The following CIZ1 variants were observed in gnomAD, a reference collection of about 807,000 sequenced individuals.
CIZ1 encodes the protein CDKN1A interacting zinc finger protein 1, also known as cip1-interacting zinc finger protein.
Under a neutral mutation model 118.6 loss-of-function variants are expected in CIZ1, and 58 were observed. The observed-to-expected ratio is 0.49, with a 90% CI of 0.40 to 0.61. The LOEUF is 0.61. Ranked by LOEUF, CIZ1 falls within the 20% of genes least tolerant of loss-of-function variation. CIZ1 has a pLI of 0.00. For synonymous variants in CIZ1, 448 were observed against 443.4 expected (o/e 1.01, Z -0.13); for missense variants, 921 against 1,115.9 (o/e 0.83, Z 2.49).
At position 128,169,523 on chromosome 9, in the gene CIZ1, G is replaced by T. The variant is rs764995298; in HGVS notation, c.2032-4C>A. 6.2e-7 allele frequency: 1 copy of T among 1,613,974 alleles called. No homozygotes were observed. The highest frequency in any genetic ancestry group is 1.3e-5 in the African/African-American group (1 of 75,042). On this transcript the variant is annotated splice_region_variant and splice_polypyrimidine_tract_variant and intron_variant, in intron 12 of 16. Coordinates refer to ENST00000372938, the MANE Select transcript of CIZ1 (RefSeq NM_001131016.2). ...GTCGCAAGGATTGTTTGGCAATCTG[G>T]AAAAAGGCAGGCCAACCAAGCAGTG...
intron 5 of CIZ1, among the ~76,000 whole-genome samples, chr9:128,181,696 G>T (rs143786187): frequency 6.6e-6 from 1 of 151,928 alleles, no homozygotes; most frequent in African/African-American, 2.4e-5. Flanking sequence ...GTTACCAGGC[G>T]GATCATGGTC....
rs776590340 is a variant in CIZ1 at position 128,166,822 on chromosome 9, A to G, written c.2424T>C (p.Tyr808=). The change falls in exon 16 of 17, where the codon TAT becomes TAC. Residue 808 remains tyrosine (Y), a synonymous_variant. Transcript: ENST00000372938. This position sits in a 1 kb window ranked among gnomAD's most constrained non-coding sequence, Gnocchi z 4.4. ...GYICRICHKF[Y]HSNSGAQLSH... is the part of the protein sequence containing the mutation. ...AGAGCTGTGCCCCTGAGTTGCTGTG[A>G]TAGAACTTGTGGCAGATGCGGCAGA... 1 of 1,614,142 alleles carries G rather than the reference A, an allele frequency of 6.2e-7. No homozygotes were observed. The highest frequency in any genetic ancestry group is 8.5e-7 in the Non-Finnish European group (1 of 1,180,022).
intron 11 of CIZ1, among the ~76,000 whole-genome samples, chr9:128,171,867 T>C (rs1830163547): frequency 6.6e-6 from 1 of 151,904 alleles, no homozygotes; most frequent in African/African-American, 2.4e-5. Context: ...AAAAAACTGA[T>C]AGATCCGATT....
chr9:128,195,329 T>G (rs1300096693), upstream of CIZ1, among the ~76,000 whole-genome samples: 2 of 152,104 alleles, frequency 1.3e-5, no homozygotes, highest in African/African-American at 4.8e-5. Flanking sequence ...TTTTGTTTTG[T>G]TTTTTTGAGA....
At chr9:128,196,586 A>G (rs1475467972), upstream of CIZ1, among the ~76,000 whole-genome samples, 1 of 151,734 alleles carries the variant, frequency 6.6e-6, no homozygotes, top group African/African-American at 2.4e-5. Context: ...AAAAGAAAAG[A>G]ATGAGGTGAA....
chr9:128,169,103 C>T lies in CIZ1; in HGVS notation c.2244G>A (p.Glu748=). ...CGATCTCTTCTTCATCCTCATCATC[C>T]TCTTCCTCTTCTTCATCACCCTCGA... The part of the protein sequence containing the change: ...GCFEGDEEEE[E]DDEDEEEIEV... The change falls in exon 14 of 17, where the codon GAG becomes GAA. Residue 748 remains glutamate (E), a synonymous_variant. Coordinates refer to ENST00000372938, the MANE Select transcript of CIZ1 (RefSeq NM_001131016.2). 1 of 1,614,088 alleles carries T rather than the reference C, an allele frequency of 6.2e-7. No homozygotes were observed. The highest frequency in any genetic ancestry group is 8.5e-7 in the Non-Finnish European group (1 of 1,179,934).
chr9:128,200,854 G>A (rs1588287653), intron 1 of CIZ1, among the ~76,000 whole-genome samples: 1 of 38,400 alleles, frequency 2.6e-5, no homozygotes, highest in South Asian at 9.4e-4. Context: ...TAAATAAATA[G>A]GCTGGGCACA....
In CIZ1 at chr9:128,170,117, AAC is replaced by A. The variant is rs59232258; in HGVS notation, c.1944-12_1944-11del. ...CCTTGGTGGAGGCTCCCTGAATGAC[AAC>A]AGTCAAAGCAAGTACAATGTGACGC... On this transcript the variant is annotated splice_polypyrimidine_tract_variant and intron_variant, in intron 11 of 16. Transcript: ENST00000372938. The A allele has an allele frequency of 0.63, 1,011,046 of 1,611,404 alleles. 327,788 individuals are homozygous for A. Among genetic ancestry groups the A allele is most frequent in the Admixed American group, 0.73 (43,487 of 59,690 alleles).
At chr9:128,173,135 CTTTTTTTTTTTT>C (rs957423189) in intron 11 of CIZ1, among the ~76,000 whole-genome samples, 13 of 80,792 alleles carry the variant, frequency 1.6e-4, no homozygotes, top group East Asian at 9.3e-4. Context: ...TGGCTAATTT[CTTTTTTTTTTTT>C]TTTTTTTTTT....
At chr9:128,192,192 C>T (rs141478404), upstream of CIZ1, among the ~76,000 whole-genome samples, 1 of 152,006 alleles carries the variant, frequency 6.6e-6, no homozygotes, top group East Asian at 1.9e-4. Flanking sequence ...GGCAAAATGG[C>T]GAAATCCCTC....
rs1832268348 is a variant in CIZ1 at position 128,185,644 on chromosome 9, G to C, written c.491C>G (p.Pro164Arg). 6.3e-7 allele frequency: 1 copy of C among 1,582,126 alleles called. No homozygotes were observed. The highest frequency in any genetic ancestry group is 1.7e-5 in the Admixed American group (1 of 57,322). ...ATRQSLLGPP[P>R]VGVPMNPSQF... ...GGAAGGGTTCATGGGGACCCCAACA[G>C]GAGGAGGTCCCAGCAAGGACTGGCG... The change falls in exon 5 of 17, where the codon CCT (proline) becomes CGT (arginine). Residue 164 changes from proline (P) to arginine (R), a missense_variant. Pro to Arg is a moderately radical substitution (Grantham distance 103, BLOSUM62 -2). Coordinates refer to ENST00000372938, the MANE Select transcript of CIZ1 (RefSeq NM_001131016.2).
intron 1 of CIZ1, among the ~76,000 whole-genome samples, chr9:128,198,733 G>A (rs1478940509): frequency 6.6e-6 from 1 of 152,136 alleles, no homozygotes; most frequent in Non-Finnish European, 1.5e-5. Flanking sequence ...TTGGGAGGCT[G>A]AGGCAGGGGA....
Position 128,203,424 on chromosome 9 carries a change from G to T in CIZ1, c.-6+762C>A, listed in dbSNP as rs754529122. On this transcript the variant is annotated intron_variant, in intron 1 of 17. Transcript: ENST00000372948. This position sits in a 1 kb window ranked among gnomAD's most constrained non-coding sequence, Gnocchi z 5.3. ...GCGGCGGAGCCGGAGTCGGAGCCGG[G>T]AGCGCTAGCGGCAGCCGGATCGCAG... is the stretch of plus-strand genomic sequence containing the variant. 10 of 1,403,628 alleles carry T rather than the reference G, an allele frequency of 7.1e-6. No homozygotes were observed. The highest frequency in any genetic ancestry group is 2.3e-4 in the Middle Eastern group (1 of 4,328). 86.9% of individuals were successfully genotyped at this position (1,403,628 alleles called of 1,614,324 possible).
chr9:128,199,095 C>T (rs1300097518), intron 1 of CIZ1, among the ~76,000 whole-genome samples: 1 of 151,966 alleles, frequency 6.6e-6, no homozygotes, highest in Non-Finnish European at 1.5e-5. Flanking sequence ...CGGCTGGGCA[C>T]GGTGGCTCAC....
rs1275358035 is a variant in CIZ1, at chr9:128,166,404, T to C, written c.2490A>G (p.Lys830=). Reference sequence around the variant, plus strand: ...GGCTGGGGTTCTTGGCCGCCTTGTATTTCTGGATACAGAAGGTGCAGGTAA... The same window carrying C: ...GGCTGGGGTTCTTGGCCGCCTTGTACTTCTGGATACAGAAGGTGCAGGTAA... The part of the protein sequence containing the change: ...KSLGHFENLQ[K]YKAAKNPSPT... The change falls in exon 17 of 17, where the codon AAA becomes AAG. Residue 830 remains lysine, a splice_region_variant and synonymous_variant. Transcript: ENST00000372938. The surrounding 1 kb of genome is among the most constrained non-coding windows in gnomAD (Gnocchi z 4.4). 2.9e-5 allele frequency: 45 copies of C among 1,530,418 alleles called. No individual in the cohort carries two copies. Among genetic ancestry groups the C allele is most frequent in the Non-Finnish European group, 4.0e-5 (45 of 1,134,944 alleles). 94.8% of individuals were successfully genotyped at this position (1,530,418 alleles called of 1,614,324 possible). A position where few individuals can be genotyped will look rare whatever the true frequency, so the allele number is the denominator to read the frequency against.
At chr9:128,173,817 T>C (rs145131357) in intron 11 of CIZ1, among the ~76,000 whole-genome samples, 1,800 of 151,918 alleles carry the variant, frequency 0.012, 45 homozygotes, top group African/African-American at 0.04. Context: ...CCATCCTGGC[T>C]AACACAGAGA....
chr9:128,166,250 C>A lies in CIZ1; in HGVS notation c.2644G>T (p.Ala882Ser). Residue 882 changes from alanine (A) to serine (S), a missense_variant, in exon 17 of 17, where the codon GCT (alanine) becomes TCT (serine). Coordinates refer to ENST00000372938, the MANE Select transcript of CIZ1 (RefSeq NM_001131016.2). This position sits in a 1 kb window ranked among gnomAD's most constrained non-coding sequence, Gnocchi z 4.4. ...GGTAGTGGGGGCTGGGAGGGTCGAG[C>A]CGTCACCTTGCTGGGTGTTTTGTCC... ...TQDKTPSKVT[A>S]RPSQPPLPRR... The A allele has an allele frequency of 6.5e-7, 1 of 1,531,388 alleles. No individual in the cohort carries two copies. Among genetic ancestry groups the A allele is most frequent in the Non-Finnish European group, 8.8e-7 (1 of 1,132,744 alleles). 94.9% of individuals were successfully genotyped at this position (1,531,388 alleles called of 1,614,324 possible). A position where few individuals can be genotyped will look rare whatever the true frequency, so the allele number is the denominator to read the frequency against.
upstream of CIZ1, among the ~76,000 whole-genome samples, chr9:128,195,965 G>C (rs138684564): frequency 2.3e-3 from 344 of 152,120 alleles, 10 homozygotes; most frequent in East Asian, 0.043. Context: ...TCCTGGGTTT[G>C]AGTGATTCTT....
chr9:128,199,155 G>T (rs1431892096), intron 1 of CIZ1, among the ~76,000 whole-genome samples: 1 of 151,516 alleles, frequency 6.6e-6, no homozygotes, highest in Non-Finnish European at 1.5e-5. Flanking sequence ...ATCACCTGAG[G>T]TCAGGAGTTC....
Sources: allele counts gnomAD v4.1 joint callset (sites outside exome capture counted in the v4.1 genomes callset), GRCh38; gene constraint gnomAD v4.1.1; non-coding constraint Gnocchi (gnomAD v3.1); transcripts MANE v1.5; gene names NCBI Gene and HGNC (gene_info 2026-07-23, HGNC 2026-07-21).